Variants in TMEM17 observed in about 807,000 individuals in gnomAD.
The protein encoded by TMEM17 is transmembrane protein 17.
Under a neutral mutation model 19.1 loss-of-function variants are expected in TMEM17, and 15 were observed. The ratio of observed to expected loss-of-function variants is 0.78; its 90% CI spans 0.52 to 1.21. TMEM17 has a LOEUF of 1.21. Ranked by LOEUF, TMEM17 falls within the 50% of genes most tolerant of loss-of-function variation. TMEM17 has a pLI of 0.00. For missense variants in TMEM17, 245 were observed against 242.3 expected, an observed-to-expected ratio of 1.01 and a Z score of -0.07; for synonymous variants, 103 against 86.9, an observed-to-expected ratio of 1.19 and a Z score of -1.03.
At chr2:62,494,804 C>A in the TMEM17 span, among the ~76,000 whole-genome samples, 1 of 152,072 alleles carries the variant, frequency 6.6e-6, no homozygotes, top group Non-Finnish European at 1.5e-5. Context: ...GAGATCGAGA[C>A]CATCCTGGCT....
At chr2:62,472,274 C>T in the TMEM17 span, among the ~76,000 whole-genome samples, 1 of 152,278 alleles carries the variant, frequency 6.6e-6, no homozygotes, top group African/African-American at 2.4e-5. Context: ...TCACAAACAG[C>T]TCCCTTTCCA....
At position 62,502,786 on chromosome 2, in the gene TMEM17, T is replaced by A; in HGVS notation, c.109A>T (p.Met37Leu). The A allele has an allele frequency of 6.3e-7, 1 of 1,596,912 alleles. No individual in the cohort carries two copies. Among genetic ancestry groups the A allele is most frequent in the Non-Finnish European group, 8.5e-7 (1 of 1,172,372 alleles). Residue 37 changes from methionine to leucine, a missense_variant, in exon 2 of 4, where the codon ATG becomes TTG. Transcript: ENST00000335390. ...ATCTGCAGTGCCAAACTGGAGACCATTTCATTTTCTACAGAAGGAACAGAA... is the reference window on the plus strand; with the variant it reads ...ATCTGCAGTGCCAAACTGGAGACCAATTCATTTTCTACAGAAGGAACAGAA... ...PESNEGPENEMVSSLALQMSL... is the reference protein window; with the variant it reads ...PESNEGPENELVSSLALQMSL...
At chr2:62,482,425 G>A in the TMEM17 span, among the ~76,000 whole-genome samples, 1 of 152,212 alleles carries the variant, frequency 6.6e-6, no homozygotes, top group South Asian at 2.1e-4. Context: ...AATGGAGACT[G>A]AGAAGTTGTA....
Position 62,502,422 on chromosome 2 carries a change from G to C in TMEM17, c.318+15C>G. ...ATTTATATCTATCACTGAGAGAAAGGAAAAAAGAGCTTACCTTCTCCTGTA... is the reference window on the plus strand; with the variant it reads ...ATTTATATCTATCACTGAGAGAAAGCAAAAAAGAGCTTACCTTCTCCTGTA... On this transcript the variant is annotated intron_variant, in intron 3 of 3. Transcript: ENST00000335390. The C allele has an allele frequency of 6.5e-7, 1 of 1,532,164 alleles. No homozygotes were observed. Among genetic ancestry groups the C allele is most frequent in the Non-Finnish European group, 9.0e-7 (1 of 1,109,622 alleles). The allele number at this position is 1,532,164 out of a possible 1,614,324, so 94.9% of individuals were successfully genotyped here.
chr2:62,458,385 G>C, the TMEM17 span, among the ~76,000 whole-genome samples: 1 of 152,178 alleles, frequency 6.6e-6, no homozygotes, highest in Non-Finnish European at 1.5e-5. Flanking sequence ...CCAGCTCCTA[G>C]ATCATTCTCA....
chr2:62,477,347 G>A, the TMEM17 span, among the ~76,000 whole-genome samples: 1 of 152,118 alleles, frequency 6.6e-6, no homozygotes, highest in Admixed American at 6.5e-5. Flanking sequence ...CAGTGAGCTA[G>A]GATCGCACCA....
the TMEM17 span, among the ~76,000 whole-genome samples, chr2:62,465,566 A>T: frequency 3.3e-5 from 5 of 151,508 alleles, no homozygotes; most frequent in Admixed American, 6.6e-5. Flanking sequence ...TGAGCTCAGG[A>T]TGGGCAGCAT....
chr2:62,493,288 A>T, the TMEM17 span, among the ~76,000 whole-genome samples: 4 of 152,166 alleles, frequency 2.6e-5, no homozygotes, highest in African/African-American at 9.7e-5. Context: ...TTGGCCTTGC[A>T]AAGTGCTAAG....
At chr2:62,491,430 T>C in the TMEM17 span, 2 of 152,162 alleles carry the variant, frequency 1.3e-5, no homozygotes, top group African/African-American at 2.4e-5. Context: ...TCACACTGCA[T>C]GCACTCCAGC....
chr2:62,457,182 C>T, the TMEM17 span, among the ~76,000 whole-genome samples: 1 of 152,260 alleles, frequency 6.6e-6, no homozygotes, highest in Non-Finnish European at 1.5e-5. The surrounding 1 kb of genome is among the most constrained non-coding windows in gnomAD (Gnocchi z 4.2). Flanking sequence ...GGATCGGCGA[C>T]CCCGGGCGCC....
chr2:62,472,213 A>G, the TMEM17 span, among the ~76,000 whole-genome samples: 1 of 152,236 alleles, frequency 6.6e-6, no homozygotes, highest in Non-Finnish European at 1.5e-5. Context: ...ATGCTAATCT[A>G]AAAGTATTTT....
chr2:62,469,511 G>T, the TMEM17 span, among the ~76,000 whole-genome samples: 2 of 152,194 alleles, frequency 1.3e-5, no homozygotes, highest in African/African-American at 4.8e-5. Flanking sequence ...CAATGGTGTT[G>T]CCAAATTAGG....
intron 3 of TMEM17, 53 bp downstream of exon 3, chr2:62,502,384 G>T: frequency 7.6e-7 from 1 of 1,308,090 alleles, no homozygotes; most frequent in Non-Finnish European, 1.1e-6. Flanking sequence ...TACTTGTTAT[G>T]AAAACTGATT....
the TMEM17 span, among the ~76,000 whole-genome samples, chr2:62,476,727 T>C: frequency 6.6e-6 from 1 of 152,330 alleles, no homozygotes. Context: ...GTTTGGGGCC[T>C]GGACAAGGGG....
At chr2:62,482,224 G>T in the TMEM17 span, among the ~76,000 whole-genome samples, 106 of 152,334 alleles carry the variant, frequency 7.0e-4, no homozygotes, top group African/African-American at 2.5e-3. Context: ...TCTGTGAAAT[G>T]TAGTTCAGCC....
the TMEM17 span, among the ~76,000 whole-genome samples, chr2:62,477,265 CA>C: frequency 6.6e-6 from 1 of 152,184 alleles, no homozygotes; most frequent in Non-Finnish European, 1.5e-5. Flanking sequence ...GGCGTAGTGG[CA>C]GGCACCTGTA....
the TMEM17 span, among the ~76,000 whole-genome samples, chr2:62,459,770 T>C: frequency 6.6e-6 from 1 of 152,266 alleles, no homozygotes; most frequent in African/African-American, 2.4e-5. Flanking sequence ...ATATTTATTC[T>C]GTAAAAATAG....
the TMEM17 span, among the ~76,000 whole-genome samples, chr2:62,459,887 C>A: frequency 6.6e-6 from 1 of 152,250 alleles, no homozygotes; most frequent in Non-Finnish European, 1.5e-5. Context: ...ATCCTCCCAC[C>A]TTGGCCTCCA....
chr2:62,505,962 G>T, intron 1 of TMEM17, 68 bp downstream of exon 1: 1 of 1,427,418 alleles, frequency 7.0e-7, no homozygotes, highest in Non-Finnish European at 9.6e-7. Flanking sequence ...GGCAAATTCT[G>T]GACGCTCCAA....
Sources: gnomAD v4.1 joint callset for allele counts (sites outside exome capture counted in the v4.1 genomes callset) on GRCh38, gnomAD v4.1.1 for gene constraint, Gnocchi (gnomAD v3.1) non-coding constraint, MANE v1.5 for transcripts, NCBI Gene and HGNC (gene_info 2026-07-23, HGNC 2026-07-21) for gene names.